ITFG1: variants seen among roughly 807,000 people sequenced by gnomAD.
The protein encoded by ITFG1 is T-cell immunomodulatory protein.
A neutral mutation model predicts 81.8 loss-of-function variants in ITFG1; 34 were observed. The observed-to-expected ratio is 0.42, with a 90% confidence interval of 0.32 to 0.55. The LOEUF (loss-of-function observed/expected upper bound fraction) is 0.55. Ranked by LOEUF, ITFG1 falls within the 20% of genes least tolerant of loss-of-function variation. The probability of loss-of-function intolerance (pLI) is 0.17; values close to 1 mark genes in which losing one functional copy is unlikely to be tolerated. For synonymous variants in ITFG1, 285 were observed against 270.6 expected (o/e 1.05, Z -0.52); for missense variants, 672 against 755.4 (o/e 0.89, Z 1.29).
In ITFG1 at chr16:47,162,680, TA is replaced by T. The variant is rs752384633; in HGVS notation, c.1454-17del. On this transcript the variant is annotated splice_polypyrimidine_tract_variant and intron_variant, in intron 14 of 17. Transcript: ENST00000320640. ...AGTTGGCCAGCTAGAGTTATTCAAT[TA>T]AAAAAAAATTAAAAACATCTCTGGA... 2.6e-4 allele frequency: 406 copies of T among 1,546,422 alleles called. No homozygotes were observed. Among genetic ancestry groups the T allele is most frequent in the Middle Eastern group, 5.2e-4 (3 of 5,774 alleles).
At chr16:47,337,461 T>G (rs1398607020) in intron 8 of ITFG1, among the ~76,000 whole-genome samples, 1 of 151,936 alleles carries the variant, frequency 6.6e-6, no homozygotes, top group East Asian at 1.9e-4. Flanking sequence ...TCCCAGCTAC[T>G]GGGGAGGCTG....
intron 14 of ITFG1, among the ~76,000 whole-genome samples, chr16:47,206,516 A>G (rs536753247): frequency 1.3e-5 from 2 of 152,314 alleles, no homozygotes; most frequent in African/African-American, 4.8e-5. Flanking sequence ...CATACCTATC[A>G]GCAGTCATCC....
chr16:47,232,728 A>T (rs1216653071), intron 13 of ITFG1, among the ~76,000 whole-genome samples: 17 of 149,702 alleles, frequency 1.1e-4, no homozygotes, highest in African/African-American at 3.9e-4. Context: ...TGCAGCCTCT[A>T]CCTCCCCAGG....
intron 6 of ITFG1, among the ~76,000 whole-genome samples, chr16:47,420,572 G>C (rs957099023): frequency 1.3e-5 from 2 of 152,162 alleles, no homozygotes; most frequent in African/African-American, 4.8e-5. Flanking sequence ...TGAATGTCTT[G>C]GTGCCATCCT....
At chr16:47,325,192 C>G (rs1231614724) in intron 8 of ITFG1, among the ~76,000 whole-genome samples, 1 of 152,162 alleles carries the variant, frequency 6.6e-6, no homozygotes, top group African/African-American at 2.4e-5. Context: ...CTCAAAACCG[C>G]TCAACTACAT....
chr16:47,439,034 G>A (rs930947514), intron 5 of ITFG1, among the ~76,000 whole-genome samples: 10 of 152,170 alleles, frequency 6.6e-5, no homozygotes, highest in Non-Finnish European at 1.5e-4. Context: ...ACTACGTGAC[G>A]AATGCACAAG....
intron 8 of ITFG1, among the ~76,000 whole-genome samples, chr16:47,330,854 C>A (rs1288814197): frequency 1.3e-5 from 2 of 152,104 alleles, no homozygotes; most frequent in Non-Finnish European, 2.9e-5. Context: ...AAAGGGAATG[C>A]TTAGCACACA....
intron 4 of ITFG1, 116 bp downstream of exon 4, chr16:47,452,617 A>G (rs1341316387): frequency 2.0e-5 from 13 of 663,804 alleles, no homozygotes. Context: ...AATCAAAGGT[A>G]CAGGCCTCTG....
chr16:47,238,839 C>T (rs1965902904), intron 12 of ITFG1, among the ~76,000 whole-genome samples: 1 of 152,108 alleles, frequency 6.6e-6, no homozygotes, highest in South Asian at 2.1e-4. Flanking sequence ...TATGGAATGA[C>T]AATCATTCTA....
intron 7 of ITFG1, among the ~76,000 whole-genome samples, chr16:47,372,942 T>C (rs966540886): frequency 2.0e-5 from 3 of 152,246 alleles, no homozygotes; most frequent in Non-Finnish European, 4.4e-5. Flanking sequence ...CGTCCAGATG[T>C]TGCATGCTAA....
At chr16:47,248,870 C>T (rs1048368130) in intron 12 of ITFG1, among the ~76,000 whole-genome samples, 1 of 152,280 alleles carries the variant, frequency 6.6e-6, no homozygotes, top group Non-Finnish European at 1.5e-5. Context: ...GGAAATTTAA[C>T]AGGACAGACA....
At chr16:47,303,281 G>T (rs1596875628) in intron 10 of ITFG1, among the ~76,000 whole-genome samples, 2 of 151,252 alleles carry the variant, frequency 1.3e-5, no homozygotes, top group African/African-American at 2.4e-5. Flanking sequence ...AAAAAAAAAA[G>T]AGACAATAAT....
chr16:47,374,470 T>C (rs981778265), intron 7 of ITFG1, among the ~76,000 whole-genome samples: 3 of 152,152 alleles, frequency 2.0e-5, no homozygotes, highest in Admixed American at 6.5e-5. Flanking sequence ...GGGTGTTTCA[T>C]TATGTTCTAT....
intron 8 of ITFG1, among the ~76,000 whole-genome samples, chr16:47,364,878 G>T (rs1968154718): frequency 6.6e-6 from 1 of 152,164 alleles, no homozygotes; most frequent in Non-Finnish European, 1.5e-5. Context: ...TACAATTTGA[G>T]ATGAGGTTCC....
chr16:47,200,600 C>G (rs1409870722), intron 14 of ITFG1, among the ~76,000 whole-genome samples: 1 of 152,138 alleles, frequency 6.6e-6, no homozygotes, highest in Non-Finnish European at 1.5e-5. Flanking sequence ...CTCCTAAATA[C>G]CTATTAAGCT....
chr16:47,182,691 G>A (rs1330364243), intron 14 of ITFG1, among the ~76,000 whole-genome samples: 4 of 152,152 alleles, frequency 2.6e-5, no homozygotes, highest in Non-Finnish European at 5.9e-5. Flanking sequence ...GCATGGATTC[G>A]GTGAGGAAAT....
intron 8 of ITFG1, among the ~76,000 whole-genome samples, chr16:47,352,489 C>A (rs1311063054): frequency 6.6e-6 from 1 of 152,110 alleles, no homozygotes; most frequent in East Asian, 1.9e-4. Flanking sequence ...CAGAGAAATG[C>A]AAATCAAAAC....
At chr16:47,375,568 A>G (rs1968313584) in intron 7 of ITFG1, among the ~76,000 whole-genome samples, 4 of 152,206 alleles carry the variant, frequency 2.6e-5, no homozygotes, top group Admixed American at 2.0e-4. Context: ...CATGCTGACA[A>G]ATTAAATGAC....
chr16:47,398,800 G>C (rs1285847215), intron 6 of ITFG1, among the ~76,000 whole-genome samples: 1 of 152,200 alleles, frequency 6.6e-6, no homozygotes, highest in African/African-American at 2.4e-5. Flanking sequence ...CCCTAGTGAC[G>C]TTAAAGAGCT....
Sources: allele counts gnomAD v4.1 joint callset (sites outside exome capture counted in the v4.1 genomes callset), GRCh38; gene constraint gnomAD v4.1.1; transcripts MANE v1.5; gene names NCBI Gene and HGNC (gene_info 2026-07-23, HGNC 2026-07-21).